The following RIT2 variants were observed in gnomAD, a reference collection of about 807,000 sequenced individuals.
RIT2 encodes the protein GTP-binding protein Rit2.
In RIT2, 24 loss-of-function variants were observed where a neutral mutation model predicts 23.7. That is an observed-to-expected ratio of 1.01 (90% CI 0.73 to 1.43). The LOEUF (loss-of-function observed/expected upper bound fraction) is 1.43. Among genes scored for constraint, RIT2 ranks in the 40% most tolerant of loss-of-function variants. The pLI is 0.00. For synonymous variants in RIT2, 107 were observed against 91.1 expected, an observed-to-expected ratio of 1.17 and a Z score of -0.99; for missense variants, 236 against 266.9, an observed-to-expected ratio of 0.88 and a Z score of 0.81.
At chr18:43,071,146 A>C (rs372546220) in intron 1 of RIT2, among the ~76,000 whole-genome samples, 26 of 152,190 alleles carry the variant, frequency 1.7e-4, no homozygotes, top group East Asian at 9.6e-4. Flanking sequence ...AGCAAGGGAA[A>C]TTTTTAATTG....
intron 1 of RIT2, among the ~76,000 whole-genome samples, chr18:43,052,791 C>T (rs1468391955): frequency 6.6e-6 from 1 of 152,076 alleles, no homozygotes; most frequent in African/African-American, 2.4e-5. Context: ...TGCCTTCTCT[C>T]ACACTCTAAT....
At chr18:43,050,113 A>T (rs1912343771) in intron 1 of RIT2, among the ~76,000 whole-genome samples, 1 of 150,386 alleles carries the variant, frequency 6.6e-6, no homozygotes, top group Non-Finnish European at 1.5e-5. Context: ...TGCAGGCTTG[A>T]ATTCCCTAAG....
chr18:43,032,532 G>C (rs1177382931), intron 2 of RIT2, among the ~76,000 whole-genome samples: 1 of 151,908 alleles, frequency 6.6e-6, no homozygotes, highest in Admixed American at 6.6e-5. Context: ...CAAAGCTATT[G>C]GCATTCTGGA....
intron 4 of RIT2, among the ~76,000 whole-genome samples, chr18:42,786,071 A>T (rs775546395): frequency 5.0e-4 from 76 of 152,314 alleles, no homozygotes; most frequent in Non-Finnish European, 8.1e-4. Context: ...AAGGGTGAAA[A>T]AGTGAGGTGA....
At chr18:42,960,123 G>A (rs757338471) in intron 3 of RIT2, among the ~76,000 whole-genome samples, 6 of 152,240 alleles carry the variant, frequency 3.9e-5, no homozygotes, top group Admixed American at 2.0e-4. Flanking sequence ...AAGGACACAG[G>A]ATCTTCATAA....
At position 43,115,417 on chromosome 18, in the gene RIT2, C is replaced by T; in HGVS notation, c.103G>A (p.Ala35Thr). Residue 35 changes from alanine to threonine, a missense_variant and splice_region_variant, in exon 1 of 5, where the codon GCA becomes ACA. By Grantham distance (58) the Ala-to-Thr change is moderately conservative. Coordinates refer to ENST00000326695, the MANE Select transcript of RIT2 (RefSeq NM_002930.4). ...MLGAGGVGKS[A>T]MTMQFISHQF... is the part of the protein sequence containing the mutation. ...CCCAGCATTTGGTGTGAAAACTTAC[C>T]GCTTTTACCAACTCCCCCTGCTCCC... The T allele has an allele frequency of 6.2e-7, 1 of 1,612,978 alleles. No individual in the cohort carries two copies. The highest frequency in any genetic ancestry group is 8.5e-7 in the Non-Finnish European group (1 of 1,179,552).
chr18:42,868,504 CA>C (rs1907532535), intron 4 of RIT2, among the ~76,000 whole-genome samples: 1 of 152,184 alleles, frequency 6.6e-6, no homozygotes, highest in Non-Finnish European at 1.5e-5. Context: ...ATGTAACAAA[CA>C]TTATTTTTAA....
chr18:43,068,389 T>G (rs551664466), intron 1 of RIT2, among the ~76,000 whole-genome samples: 1 of 152,154 alleles, frequency 6.6e-6, no homozygotes, highest in African/African-American at 2.4e-5. Flanking sequence ...CTGAAACATA[T>G]GGATTCTCTG....
intron 4 of RIT2, among the ~76,000 whole-genome samples, chr18:42,789,020 A>G (rs1913981933): frequency 6.6e-6 from 1 of 152,160 alleles, no homozygotes; most frequent in Middle Eastern, 3.2e-3. Context: ...TTATTCAAAG[A>G]CATTCTTTTA....
intron 1 of RIT2, among the ~76,000 whole-genome samples, chr18:43,088,267 T>G (rs1913332999): frequency 6.6e-6 from 1 of 152,208 alleles, no homozygotes; most frequent in African/African-American, 2.4e-5. Flanking sequence ...CTTTTGCAGT[T>G]GCCCAACATT....
chr18:42,965,711 CTTTTTTTTTTT>C (rs58344278), intron 3 of RIT2, among the ~76,000 whole-genome samples: 111 of 37,744 alleles, frequency 2.9e-3, no homozygotes, highest in African/African-American at 9.2e-3. Flanking sequence ...GTACTGATGG[CTTTTTTTTTTT>C]TTTTTTTTTT....
At chr18:42,851,758 G>A (rs1010753531) in intron 4 of RIT2, among the ~76,000 whole-genome samples, 8 of 152,126 alleles carry the variant, frequency 5.3e-5, no homozygotes, top group African/African-American at 1.9e-4. Flanking sequence ...GCTGAGGCAG[G>A]GGAATTGCTT....
intron 3 of RIT2, among the ~76,000 whole-genome samples, chr18:42,973,196 A>G (rs900312590): frequency 6.6e-6 from 1 of 151,706 alleles, no homozygotes; most frequent in South Asian, 2.1e-4. Context: ...CTTTTGTTCA[A>G]TATGATACTG....
intron 2 of RIT2, among the ~76,000 whole-genome samples, chr18:42,991,746 G>A (rs1910854385): frequency 6.6e-6 from 1 of 151,932 alleles, no homozygotes; most frequent in African/African-American, 2.4e-5. Flanking sequence ...CTCCCGTACT[G>A]AGCACCTTGT....
intron 1 of RIT2, among the ~76,000 whole-genome samples, chr18:43,040,488 A>G (rs1332672416): frequency 6.6e-6 from 1 of 152,164 alleles, no homozygotes; most frequent in Non-Finnish European, 1.5e-5. Flanking sequence ...CCTCTCATCA[A>G]GTGGTCTCTC....
At chr18:43,050,200 A>G (rs1382441724) in intron 1 of RIT2, among the ~76,000 whole-genome samples, 2 of 151,024 alleles carry the variant, frequency 1.3e-5, no homozygotes, top group Admixed American at 6.6e-5. Flanking sequence ...CTAATTTTTA[A>G]TTTTTTGGTG....
At chr18:42,997,245 A>AT (rs1911005796) in intron 2 of RIT2, among the ~76,000 whole-genome samples, 1 of 152,154 alleles carries the variant, frequency 6.6e-6, no homozygotes, top group Non-Finnish European at 1.5e-5. Flanking sequence ...TTATGTGGTT[A>AT]GGGGCTATCA....
intron 4 of RIT2, among the ~76,000 whole-genome samples, chr18:42,800,705 A>G (rs1206732195): frequency 1.3e-5 from 2 of 151,016 alleles, no homozygotes; most frequent in African/African-American, 4.9e-5. Context: ...AATTTTTTGT[A>G]TTTTTTTAGT....
intron 4 of RIT2, among the ~76,000 whole-genome samples, chr18:42,805,508 C>G (rs1404195591): frequency 6.6e-6 from 1 of 152,128 alleles, no homozygotes; most frequent in Admixed American, 6.5e-5. Flanking sequence ...AATCTAAAAT[C>G]ACATGAGTAA....
Sources: allele counts gnomAD v4.1 joint callset (sites outside exome capture counted in the v4.1 genomes callset), GRCh38; gene constraint gnomAD v4.1.1; transcripts MANE v1.5; gene names NCBI Gene and HGNC (gene_info 2026-07-23, HGNC 2026-07-21).